The following NLRP1 variants were observed in gnomAD, a reference collection of about 807,000 sequenced individuals.
NLRP1 encodes the protein NLR family pyrin domain containing 1, also known as NACHT, LRR and PYD domains-containing protein 1.
NLRP1 carries 94 observed loss-of-function variants against 136.7 expected under a neutral mutation model. That is an observed-to-expected ratio of 0.69 (90% CI 0.58 to 0.82). NLRP1 has a LOEUF of 0.82. Ranked by LOEUF, NLRP1 falls within the 40% of genes least tolerant of loss-of-function variation. The pLI, the probability that NLRP1 is intolerant of heterozygous loss-of-function variation, is 0.00. For synonymous variants in NLRP1, 690 were observed against 725.1 expected (o/e 0.95, Z 0.78); for missense variants, 1,575 against 1,802.7 (o/e 0.87, Z 2.29).
At chr17:5,529,819 C>T (rs979827897) in intron 12 of NLRP1, 1 of 323,440 alleles carries the variant, frequency 3.1e-6, no homozygotes, top group African/African-American at 2.2e-5. Flanking sequence ...ATAATTTCAG[C>T]ATCTGAAGGA....
Position 5,559,910 on chromosome 17 carries a change from G to C in NLRP1, c.786C>G (p.Ser262Arg). 6.2e-7 allele frequency: 1 copy of C among 1,614,188 alleles called. No individual in the cohort carries two copies. Among genetic ancestry groups the C allele is most frequent in the Non-Finnish European group, 8.5e-7 (1 of 1,180,036 alleles). Residue 262 changes from serine to arginine, a missense_variant, in exon 4 of 17, where the codon AGC becomes AGG. By Grantham distance (110) the Ser-to-Arg change is moderately radical (BLOSUM62 -1). Coordinates refer to ENST00000572272, the MANE Select transcript of NLRP1 (RefSeq NM_033004.4). ...TTTTCCAGGGCCATGTGGAACAGAG[G>C]CTCTCTCTCACAGAAGGCTCCCATG... ...HHPWEPSVRE[S>R]LCSTWPWKNE...
Position 5,533,333 on chromosome 17 carries a change from C to G in NLRP1, c.3104G>C (p.Ser1035Thr). Reference protein sequence around the residue: ...AQANLKLLDVSKIFPIAEIAE... With the variant: ...AQANLKLLDVTKIFPIAEIAE... ...AATCTCAGCAATTGGGAAGATCTTG[C>G]TCACGTCCAGGAGTTTGAGATTAGC... Residue 1035 changes from serine to threonine, a missense_variant, in exon 10 of 17, where the codon AGC becomes ACC. Ser to Thr is a moderately conservative substitution (Grantham distance 58). Coordinates refer to ENST00000572272, the MANE Select transcript of NLRP1 (RefSeq NM_033004.4). The G allele has an allele frequency of 6.6e-7, 1 of 1,508,570 alleles. No individual in the cohort carries two copies. Among genetic ancestry groups the G allele is most frequent in the East Asian group, 2.5e-5 (1 of 40,758 alleles). 93.4% of individuals were successfully genotyped at this position (1,508,570 alleles called of 1,614,324 possible).
At chr17:5,550,171 A>G (rs1389787098) in intron 5 of NLRP1, among the ~76,000 whole-genome samples, 1 of 151,170 alleles carries the variant, frequency 6.6e-6, no homozygotes, top group Admixed American at 6.6e-5. Context: ...GCTTTTGGTT[A>G]TCTTAGTCTA....
chr17:5,511,346 C>A (rs1332053722), downstream of NLRP1, among the ~76,000 whole-genome samples: 1 of 151,366 alleles, frequency 6.6e-6, no homozygotes, highest in East Asian at 2.0e-4. Context: ...GCAGGAGAAT[C>A]GTTTGAACCC....
At chr17:5,539,704 C>T in intron 6 of NLRP1, 119 bp from the exon 7 acceptor site, 1 of 1,412,930 alleles carries the variant, frequency 7.1e-7, no homozygotes, top group Non-Finnish European at 9.2e-7. Context: ...GGATGACATG[C>T]AGAGAAGATA....
Position 5,517,884 on chromosome 17 carries a change from G to T in NLRP1, c.3919C>A (p.Leu1307Met). The change falls in exon 15 of 17, where the codon CTG becomes ATG. Residue 1307 changes from leucine (L) to methionine (M), a missense_variant. Transcript: ENST00000572272. ...CCAGGGCTTCGATAGCAGAGCTCCA[G>T]TTCCTGAAGAGGCAAAGAGTTGAGT... ...SGMLEILPKE[L>M]ELCYRSPGED... The T allele has an allele frequency of 6.2e-7, 1 of 1,614,022 alleles. No homozygotes were observed. Among genetic ancestry groups the T allele is most frequent in the Non-Finnish European group, 8.5e-7 (1 of 1,179,994 alleles).
intron 3 of NLRP1, among the ~76,000 whole-genome samples, chr17:5,562,297 G>C (rs979897629): frequency 7.9e-5 from 12 of 152,236 alleles, no homozygotes; most frequent in African/African-American, 2.7e-4. Context: ...CCCAAGCAGG[G>C]AAGAGCCCTC....
chr17:5,583,170 G>GTAA lies in NLRP1; in HGVS notation c.272-327_272-325dup, dbSNP rs1465777881. On this transcript the variant is annotated intron_variant, in intron 1 of 16. Transcript: ENST00000572272. The surrounding 1 kb of genome is among the most constrained non-coding windows in gnomAD (Gnocchi z 4.5). ...CATCTGCAACCCAGGGTGGCTAATAGTAATAATAACAGCAGCAGCAGCAGC... is the reference window on the plus strand; with the variant it reads ...CATCTGCAACCCAGGGTGGCTAATAGTAATAATAATAACAGCAGCAGCAGCAGC... Among the ~76,000 whole-genome samples the GTAA allele has an allele frequency of 1.3e-5, 2 of 152,028 alleles. No individual in the cohort carries two copies. The highest frequency in any genetic ancestry group is 2.4e-5 in the African/African-American group (1 of 41,292).
downstream of NLRP1, among the ~76,000 whole-genome samples, chr17:5,511,493 C>G (rs59399529): frequency 0.15 from 22,461 of 151,494 alleles, 1,839 homozygotes; most frequent in African/African-American, 0.2. Flanking sequence ...GTGTCTCCCC[C>G]ATCCCCACAC....
intron 12 of NLRP1, among the ~76,000 whole-genome samples, chr17:5,522,065 T>G (rs913162232): frequency 3.9e-5 from 6 of 152,220 alleles, no homozygotes; most frequent in African/African-American, 1.4e-4. Context: ...CCTCAGGTGA[T>G]CCGCCTGCCT....
intron 8 of NLRP1, among the ~76,000 whole-genome samples, chr17:5,534,675 C>T (rs1267857311): frequency 1.3e-5 from 2 of 152,180 alleles, no homozygotes; most frequent in African/African-American, 4.8e-5. Flanking sequence ...TGCTCGGGTC[C>T]CTCTGCCGCC....
intron 7 of NLRP1, 45 bp downstream of exon 7, chr17:5,539,370 C>A (rs1163510247): frequency 1.3e-6 from 2 of 1,559,766 alleles, no homozygotes; most frequent in African/African-American, 1.4e-5. Flanking sequence ...CCGATACCCC[C>A]CCAACCCTCT....
In NLRP1 at chr17:5,541,687, G is replaced by A. The variant is rs1228124746; in HGVS notation, c.2699+170C>T. Among the ~76,000 whole-genome samples, 1 of 152,122 alleles carries A rather than the reference G, an allele frequency of 6.6e-6. No homozygotes were observed. The highest frequency in any genetic ancestry group is 1.5e-5 in the Non-Finnish European group (1 of 68,018). The stretch of plus-strand genomic sequence containing the variant: ...TGGAGCCTGGAGGCCCCCTCCCTCT[G>A]TCCAAGGGTGGATGAGCTTCCTCCT... On this transcript the variant is annotated intron_variant, in intron 6 of 16. Transcript: ENST00000572272. This position sits in a 1 kb window ranked among gnomAD's most constrained non-coding sequence, Gnocchi z 4.2.
chr17:5,511,618 G>T (rs1016816458), downstream of NLRP1, among the ~76,000 whole-genome samples: 1 of 152,072 alleles, frequency 6.6e-6, no homozygotes, highest in Non-Finnish European at 1.5e-5. Flanking sequence ...GGCAACTAAC[G>T]TGAGGACTTG....
At chr17:5,557,520 G>A (rs1041442516) in intron 4 of NLRP1, among the ~76,000 whole-genome samples, 2 of 152,134 alleles carry the variant, frequency 1.3e-5, no homozygotes, top group Non-Finnish European at 2.9e-5. Context: ...ATGAATGTTT[G>A]TCTTCTCCCC....
chr17:5,541,430 C>T lies in NLRP1; in HGVS notation c.2699+427G>A, dbSNP rs1796069068. Among the ~76,000 whole-genome samples, 1 of 152,182 alleles carries T rather than the reference C, an allele frequency of 6.6e-6. No individual in the cohort carries two copies. Among genetic ancestry groups the T allele is most frequent in the African/African-American group, 2.4e-5 (1 of 41,438 alleles). ...ACTAAGTGGACACCAGTGATTTCAG[C>T]TCTCCATGGCAGAACCCCATGCCAA... On this transcript the variant is annotated intron_variant, in intron 6 of 16. Transcript: ENST00000572272. The surrounding 1 kb of genome is among the most constrained non-coding windows in gnomAD (Gnocchi z 4.2).
intron 7 of NLRP1, 43 bp from the exon 8 acceptor site, chr17:5,536,983 G>T: frequency 7.0e-7 from 1 of 1,421,122 alleles, no homozygotes; most frequent in Non-Finnish European, 1.0e-6. Flanking sequence ...GATCCCCCAT[G>T]TGGTCCCCAG....
rs1421528537 is a variant in NLRP1, at chr17:5,560,000, G to C, written c.696C>G (p.Pro232=). ...REREKSEKGR[P]PWAAVVGTPP... is the part of the protein sequence containing the mutation. ...GCGTTCCTACCACCGCTGCCCATGG[G>C]GGCCTGCCTTTCTCTGATTTCTCTC... The change falls in exon 4 of 17, where the codon CCC becomes CCG. Residue 232 remains proline (P), a synonymous_variant. Coordinates refer to ENST00000572272, the MANE Select transcript of NLRP1 (RefSeq NM_033004.4). The C allele has an allele frequency of 6.9e-6, 11 of 1,585,704 alleles. No individual in the cohort carries two copies. The highest frequency in any genetic ancestry group is 7.7e-6 in the Non-Finnish European group (9 of 1,168,678).
rs771144180 is a variant in NLRP1 at position 5,515,552 on chromosome 17, C to T, written c.4058-35G>A. The T allele has an allele frequency of 5.2e-6, 8 of 1,548,318 alleles. No individual in the cohort carries two copies. In the South Asian group the frequency reaches 7.8e-5, roughly 15 times the overall value. ...AACAGAGATGAAGATGCATCTGAAA[C>T]AGTGCTAAGTTATTAACACACATGG... On this transcript the variant is annotated intron_variant, in intron 15 of 16. Coordinates refer to ENST00000572272, the MANE Select transcript of NLRP1 (RefSeq NM_033004.4).
Sources: allele counts gnomAD v4.1 joint callset (sites outside exome capture counted in the v4.1 genomes callset), GRCh38; gene constraint gnomAD v4.1.1; non-coding constraint Gnocchi (gnomAD v3.1); transcripts MANE v1.5; gene names NCBI Gene and HGNC (gene_info 2026-07-23, HGNC 2026-07-21).